The following SRFBP1 variants were observed in gnomAD, a reference collection of about 807,000 sequenced individuals.
SRFBP1 encodes serum response factor binding protein 1, also known as serum response factor-binding protein 1.
A neutral mutation model predicts 45.5 loss-of-function variants in SRFBP1; 47 were observed. The ratio of observed to expected loss-of-function variants is 1.03; its 90% CI spans 0.82 to 1.32. SRFBP1 has a LOEUF of 1.32. Ranked by LOEUF, SRFBP1 falls within the 40% of genes most tolerant of loss-of-function variation. SRFBP1 has a pLI of 0.00. For synonymous variants in SRFBP1, 203 were observed against 166.3 expected (o/e 1.22, Z -1.70); for missense variants, 621 against 484.6 (o/e 1.28, Z -2.64).
At chr5:122,020,833 A>T in intron 6 of SRFBP1, 31 bp downstream of exon 6, 1 of 1,484,212 alleles carries the variant, frequency 6.7e-7, no homozygotes, top group South Asian at 1.4e-5. Flanking sequence ...TGAAATAATC[A>T]TTAGTTCTTT....
At chr5:121,969,727 C>A (rs182042217) in intron 1 of SRFBP1, among the ~76,000 whole-genome samples, 99 of 152,138 alleles carry the variant, frequency 6.5e-4, no homozygotes, top group African/African-American at 2.3e-3. Flanking sequence ...GTCTTAAATG[C>A]ATTCTCTTGC....
At chr5:122,032,748 CAG>C (rs569548598), downstream of SRFBP1, among the ~76,000 whole-genome samples, 74 of 152,196 alleles carry the variant, frequency 4.9e-4, 2 homozygotes, top group South Asian at 1.2e-3. Context: ...TATGAAAAAA[CAG>C]TATGTATTTC....
intron 3 of SRFBP1, among the ~76,000 whole-genome samples, chr5:121,993,372 C>G (rs533553640): frequency 4.8e-4 from 73 of 152,250 alleles, no homozygotes; most frequent in African/African-American, 1.7e-3. Flanking sequence ...CTAGAAGATT[C>G]TGATGGTCTT....
Position 122,020,783 on chromosome 5 carries a change from G to C in SRFBP1, c.1048G>C (p.Gly350Arg). ...LESVFFHSLS[G>R]SKSSRRNFKE... ...ATCAGTGTTTTTCCACTCTTTATCT[G>C]GATCTAAAAGCTCTAGAAGGTAAGA... The change falls in exon 6 of 8, where the codon GGA (glycine) becomes CGA (arginine). Residue 350 changes from glycine to arginine, a missense_variant. Physicochemically the swap from Gly to Arg is moderately radical, Grantham distance 125. Coordinates refer to ENST00000339397, the MANE Select transcript of SRFBP1 (RefSeq NM_152546.3). The C allele has an allele frequency of 1.9e-6, 3 of 1,568,612 alleles. No individual in the cohort carries two copies. The highest frequency in any genetic ancestry group is 2.6e-6 in the Non-Finnish European group (3 of 1,163,696).
At chr5:122,073,878 C>A in intron 2 of SRFBP1, 1 of 789,198 alleles carries the variant, frequency 1.3e-6, no homozygotes, top group Non-Finnish European at 2.0e-6. Context: ...CTACAGTTTT[C>A]TTTGAGAACA....
At chr5:122,042,745 T>C (rs1384491453) in intron 2 of SRFBP1, among the ~76,000 whole-genome samples, 1 of 152,220 alleles carries the variant, frequency 6.6e-6, no homozygotes, top group Non-Finnish European at 1.5e-5. Flanking sequence ...TTTAAGATAC[T>C]GTTTTTCTCT....
chr5:122,012,620 A>G (rs1310241009), intron 4 of SRFBP1, among the ~76,000 whole-genome samples: 1 of 152,148 alleles, frequency 6.6e-6, no homozygotes, highest in African/African-American at 2.4e-5. Context: ...TTAGTTAAAA[A>G]TAGCTGGCAG....
At chr5:121,963,509 G>A (rs1751994518) in intron 1 of SRFBP1, among the ~76,000 whole-genome samples, 1 of 152,080 alleles carries the variant, frequency 6.6e-6, no homozygotes, top group Admixed American at 6.6e-5. Flanking sequence ...CAGGGGATGA[G>A]TCATTAAAGA....
At chr5:122,047,544 C>A (rs1015530716) in intron 2 of SRFBP1, among the ~76,000 whole-genome samples, 20 of 152,020 alleles carry the variant, frequency 1.3e-4, no homozygotes, top group African/African-American at 4.3e-4. Context: ...TTTTTTGGTT[C>A]CATATGAACT....
chr5:122,060,375 C>T (rs1457068151), intron 2 of SRFBP1, among the ~76,000 whole-genome samples: 1 of 151,952 alleles, frequency 6.6e-6, no homozygotes, highest in Admixed American at 6.6e-5. Flanking sequence ...AATAACTCAC[C>T]CTCATCTGGG....
intron 4 of SRFBP1, among the ~76,000 whole-genome samples, chr5:122,014,668 A>G (rs1753161632): frequency 6.6e-6 from 1 of 152,200 alleles, no homozygotes; most frequent in Admixed American, 6.5e-5. Flanking sequence ...CTGAAATGAG[A>G]TTACTAAATC....
At chr5:122,046,854 A>G (rs1453494040) in intron 2 of SRFBP1, among the ~76,000 whole-genome samples, 1 of 152,090 alleles carries the variant, frequency 6.6e-6, no homozygotes, top group Non-Finnish European at 1.5e-5. Flanking sequence ...TCTTTTGAGA[A>G]CTGTCTGTTC....
chr5:122,054,220 G>T (rs1001859622), intron 2 of SRFBP1, among the ~76,000 whole-genome samples: 1 of 152,202 alleles, frequency 6.6e-6, no homozygotes, highest in African/African-American at 2.4e-5. Context: ...TGGGAGTGTG[G>T]TAGGGGTTTC....
chr5:122,001,687 G>A (rs1331753010), intron 4 of SRFBP1, among the ~76,000 whole-genome samples: 1 of 150,054 alleles, frequency 6.7e-6, no homozygotes, highest in East Asian at 2.0e-4. Context: ...TCAGCCTCCC[G>A]AGTAGCTGGG....
In SRFBP1 at chr5:122,012,269, G is replaced by T. The variant is rs138448168; in HGVS notation, c.271-6991G>T. ...TAAAATTCTTAAGAATAAAATTAAA[G>T]ATTTAAAATGAAAATTAGGAATAAA... On this transcript the variant is annotated intron_variant, in intron 4 of 7. Transcript: ENST00000339397. Among the ~76,000 whole-genome samples, 1,291 of 152,034 alleles carry T rather than the reference G, an allele frequency of 8.5e-3. 11 individuals are homozygous for T. Among genetic ancestry groups the T allele is most frequent in the Non-Finnish European group, 0.013 (880 of 67,866 alleles).
Position 122,048,738 on chromosome 5 carries a change from T to A in SRFBP1, n.311+26331T>A, listed in dbSNP as rs183504762. Among the ~76,000 whole-genome samples, 161 of 152,206 alleles carry A rather than the reference T, an allele frequency of 1.1e-3. 2 individuals are homozygous for A. Among genetic ancestry groups the A allele is most frequent in the Middle Eastern group, 0.01 (3 of 294 alleles). On this transcript the variant is annotated intron_variant and non_coding_transcript_variant, in intron 2 of 2. Coordinates refer to the SRFBP1 transcript ENST00000504881. ...CAATTTCAGAGCCTGTTATTGGTCTTTTCAGAGATTCAACTTCTTCCTTGT... is the reference window on the plus strand; with the variant it reads ...CAATTTCAGAGCCTGTTATTGGTCTATTCAGAGATTCAACTTCTTCCTTGT...
chr5:121,982,318 C>A (rs540218754), intron 3 of SRFBP1, among the ~76,000 whole-genome samples: 1 of 151,912 alleles, frequency 6.6e-6, no homozygotes, highest in Non-Finnish European at 1.5e-5. Context: ...ATATAATGCT[C>A]TCCTCACACT....
chr5:122,065,921 G>A (rs1013596868), intron 2 of SRFBP1: 1 of 151,834 alleles, frequency 6.6e-6, no homozygotes, highest in Non-Finnish European at 1.5e-5. Flanking sequence ...CCAGTTTCAC[G>A]GCTGCCTTAT....
At position 122,003,608 on chromosome 5, in the gene SRFBP1, T is replaced by C. The variant is rs76445282; in HGVS notation, c.270+8938T>C. ...ATTGCTGAATCTTATGGTAGTTCTA[T>C]TTTTCATTTTGTTTTAGAACCTCCA... On this transcript the variant is annotated intron_variant, in intron 4 of 7. Coordinates refer to ENST00000339397, the MANE Select transcript of SRFBP1 (RefSeq NM_152546.3). Among the ~76,000 whole-genome samples, 781 of 152,278 alleles carry C rather than the reference T, an allele frequency of 5.1e-3. 19 individuals are homozygous for C. The East Asian group carries it at 0.053, about 10-fold the overall frequency.
Sources: allele counts gnomAD v4.1 joint callset (sites outside exome capture counted in the v4.1 genomes callset), GRCh38; gene constraint gnomAD v4.1.1; transcripts MANE v1.5; gene names NCBI Gene and HGNC (gene_info 2026-07-23, HGNC 2026-07-21).